LAG3: variants seen among roughly 807,000 people sequenced by gnomAD.
LAG3 encodes the protein lymphocyte activating 3.
In LAG3, 29 loss-of-function variants were observed where a neutral mutation model predicts 49.0. The observed-to-expected ratio is 0.59, with a 90% confidence interval of 0.44 to 0.81. The LOEUF is 0.81. Among genes scored for constraint, LAG3 ranks in the 30% least tolerant of loss-of-function variants. LAG3 has a pLI of 0.00. For synonymous variants in LAG3, 320 were observed against 297.3 expected (o/e 1.08, Z -0.79); for missense variants, 693 against 695.2 (o/e 1.00, Z 0.04).
chr12:6,773,891 T>A lies in LAG3; in HGVS notation c.401T>A (p.Leu134Gln). The A allele has an allele frequency of 1.4e-6, 2 of 1,395,126 alleles. No homozygotes were observed. Among genetic ancestry groups the A allele is most frequent in the Non-Finnish European group, 9.2e-7 (1 of 1,082,534 alleles). The allele number at this position is 1,395,126 out of a possible 1,614,324, so 86.4% of individuals were successfully genotyped here. Reference sequence around the variant, plus strand: ...GGCCGGCAGCGCGGGGACTTCTCGCTATGGCTGCGCCCAGCCCGGCGCGCG... The same window carrying A: ...GGCCGGCAGCGCGGGGACTTCTCGCAATGGCTGCGCCCAGCCCGGCGCGCG... ...ERGRQRGDFS[L>Q]WLRPARRADA... is the part of the protein sequence containing the mutation. The change falls in exon 3 of 8, where the codon CTA (leucine) becomes CAA (glutamine). Residue 134 changes from leucine to glutamine, a missense_variant. Transcript: ENST00000203629. The surrounding 1 kb of genome is among the most constrained non-coding windows in gnomAD (Gnocchi z 5.5).
chr12:6,777,515 C>G lies in LAG3; in HGVS notation c.1300+9C>G, dbSNP rs767666369. ...AGAGCTGTCTAGCCCAGGTCCGAGGCCCCAGAATGCCAGGACCCAAACGCC... is the reference window on the plus strand; with the variant it reads ...AGAGCTGTCTAGCCCAGGTCCGAGGGCCCAGAATGCCAGGACCCAAACGCC... On this transcript the variant is annotated intron_variant, in intron 6 of 7. Coordinates refer to ENST00000203629, the MANE Select transcript of LAG3 (RefSeq NM_002286.6). The G allele has an allele frequency of 4.3e-6, 7 of 1,611,154 alleles. No homozygotes were observed. Among genetic ancestry groups the G allele is most frequent in the Non-Finnish European group, 3.4e-6 (4 of 1,178,588 alleles).
At chr12:6,777,993 C>T in intron 7 of LAG3, 72 bp downstream of exon 7, 2 of 1,603,226 alleles carry the variant, frequency 1.2e-6, no homozygotes, top group Non-Finnish European at 1.7e-6. Context: ...CTGATGGCAC[C>T]CCTTCCTCAG....
chr12:6,774,826 G>A lies in LAG3; in HGVS notation c.743G>A (p.Gly248Asp). The change falls in exon 4 of 8, where the codon GGC (glycine) becomes GAC (aspartate). Residue 248 changes from glycine to aspartate, a missense_variant. Coordinates refer to ENST00000203629, the MANE Select transcript of LAG3 (RefSeq NM_002286.6). ...PWGCILTYRD[G>D]FNVSIMYNLT... ...GGCTGCATCCTCACCTACAGAGATG[G>A]CTTCAACGTCTCCATCATGTATAAC... 1 of 1,614,092 alleles carries A rather than the reference G, an allele frequency of 6.2e-7. No homozygotes were observed.
At position 6,778,384 on chromosome 12, in the gene LAG3, G is replaced by T; in HGVS notation, c.1572G>T (p.Gln524His). 3 of 1,610,332 alleles carry T rather than the reference G, an allele frequency of 1.9e-6. No homozygotes were observed. The highest frequency in any genetic ancestry group is 2.5e-6 in the Non-Finnish European group (3 of 1,179,920). The change falls in exon 8 of 8, where the codon CAG becomes CAT. Residue 524 changes from glutamine to histidine, a missense_variant. By Grantham distance (24) the Gln-to-His change is conservative. Coordinates refer to ENST00000203629, the MANE Select transcript of LAG3 (RefSeq NM_002286.6). ...CCGAGCCCGAGCCCGAGCCGGAGCA[G>T]CTCTGACCTGGAGCTGAGGCAGCCA... ...PEPEPEPEPE[Q>H]L
chr12:6,774,507 T>A lies in LAG3; in HGVS notation c.512-88T>A, dbSNP rs547530609. 7.3e-5 allele frequency: 107 copies of A among 1,462,616 alleles called. 4 individuals carry two copies. In the South Asian group the frequency reaches 1.1e-3, roughly 15 times the overall value. 90.6% of individuals were successfully genotyped at this position (1,462,616 alleles called of 1,614,324 possible). ...GAAGACAAGTCTAAAGCCAGGTGCC[T>A]GTTTCCAGGAGCTTCCGGCTTGGCA... is the stretch of plus-strand genomic sequence containing the variant. On this transcript the variant is annotated intron_variant, in intron 3 of 7. Transcript: ENST00000203629.
intron 3 of LAG3, 67 bp from the exon 4 acceptor site, chr12:6,774,528 T>G: frequency 6.5e-7 from 1 of 1,534,950 alleles, no homozygotes; most frequent in South Asian, 1.2e-5. Context: ...GCTTCCGGCT[T>G]GGCAGCCCTG....
chr12:6,774,242 A>G (rs1262505735), intron 3 of LAG3, among the ~76,000 whole-genome samples: 1 of 151,988 alleles, frequency 6.6e-6, no homozygotes, highest in Non-Finnish European at 1.5e-5. Flanking sequence ...CCCACGCGGG[A>G]GTGCCCAGAG....
chr12:6,775,358 G>C lies in LAG3; in HGVS notation c.867G>C (p.Gly289=), dbSNP rs765485313. The change falls in exon 5 of 8, where the codon GGG becomes GGC. Residue 289 remains glycine, a synonymous_variant. Coordinates refer to ENST00000203629, the MANE Select transcript of LAG3 (RefSeq NM_002286.6). ...GLPCRLPAGV[G]TRSFLTAKWT... ...CCTGCCGCCTGCCTGCTGGTGTGGGGACCCGGTCTTTCCTCACTGCCAAGT... is the reference window on the plus strand; with the variant it reads ...CCTGCCGCCTGCCTGCTGGTGTGGGCACCCGGTCTTTCCTCACTGCCAAGT... The C allele has an allele frequency of 6.2e-7, 1 of 1,614,186 alleles. No individual in the cohort carries two copies. Among genetic ancestry groups the C allele is most frequent in the East Asian group, 2.2e-5 (1 of 44,866 alleles).
In LAG3 at chr12:6,777,315, A is replaced by G. The variant is rs1941917831; in HGVS notation, c.1109A>G (p.Glu370Gly). Residue 370 changes from glutamate (E) to glycine (G), a missense_variant, in exon 6 of 8, where the codon GAG becomes GGG. Glu to Gly is a moderately conservative substitution (Grantham distance 98). Transcript: ENST00000203629. ...SPGSLGKLLC[E>G]VTPVSGQERF... ...GGATCCCTGGGGAAGCTGCTTTGTG[A>G]GGTGACTCCAGTATCTGGACAAGAA... 3.0e-5 allele frequency: 48 copies of G among 1,614,154 alleles called. No individual in the cohort carries two copies. The highest frequency in any genetic ancestry group is 4.0e-5 in the Non-Finnish European group (47 of 1,180,006).
rs143109881 is a variant in LAG3 at position 6,773,577 on chromosome 12, A to G, written c.207-120A>G. 7.9e-3 allele frequency: 9,732 copies of G among 1,231,660 alleles called. 62 individuals are homozygous for G. Among genetic ancestry groups the G allele is most frequent in the Middle Eastern group, 0.019 (67 of 3,472 alleles). The allele number at this position is 1,231,660 out of a possible 1,614,324, so 76.3% of individuals were successfully genotyped here. ...CAACAGAGGGGTCGGGCGTGAGGGG[A>G]CGGTTGGTGGTCAAGAGAACTCTTG... On this transcript the variant is annotated intron_variant, in intron 2 of 7. Coordinates refer to ENST00000203629, the MANE Select transcript of LAG3 (RefSeq NM_002286.6). This position sits in a 1 kb window ranked among gnomAD's most constrained non-coding sequence, Gnocchi z 5.5.
At chr12:6,776,315 C>A (rs1383949879) in intron 5 of LAG3, among the ~76,000 whole-genome samples, 1 of 152,166 alleles carries the variant, frequency 6.6e-6, no homozygotes, top group African/African-American at 2.4e-5. Context: ...GCTGACTCAG[C>A]CTGTCAGTAA....
Position 6,773,863 on chromosome 12 carries a change from C to T in LAG3, c.373C>T (p.Arg125Cys), listed in dbSNP as rs771608222. ...PLQPRVQLDE[R>C]GRQRGDFSLW... ...GCAGCCCCGCGTCCAGCTGGATGAGCGCGGCCGGCAGCGCGGGGACTTCTC... is the reference window on the plus strand; with the variant it reads ...GCAGCCCCGCGTCCAGCTGGATGAGTGCGGCCGGCAGCGCGGGGACTTCTC... Residue 125 changes from arginine (R) to cysteine (C), a missense_variant, in exon 3 of 8, where the codon CGC (arginine) becomes TGC (cysteine). Physicochemically the swap from Arg to Cys is radical, Grantham distance 180. Transcript: ENST00000203629. This position sits in a 1 kb window ranked among gnomAD's most constrained non-coding sequence, Gnocchi z 5.5. 5.7e-6 allele frequency: 8 copies of T among 1,403,566 alleles called. No individual in the cohort carries two copies. The highest frequency in any genetic ancestry group is 4.6e-5 in the South Asian group (3 of 65,598). The allele number at this position is 1,403,566 out of a possible 1,614,324, so 86.9% of individuals were successfully genotyped here. A position where few individuals can be genotyped will look rare whatever the true frequency, so the allele number is the denominator to read the frequency against.
rs756948190 is a variant in LAG3, at chr12:6,775,395, G to C, written c.904G>C (p.Gly302Arg). 5.0e-6 allele frequency: 8 copies of C among 1,614,112 alleles called. No individual in the cohort carries two copies. The highest frequency in any genetic ancestry group is 6.8e-6 in the Non-Finnish European group (8 of 1,180,042). ...CCTCACTGCCAAGTGGACTCCTCCTGGGGGAGGCCCTGACCTCCTGGTGAC... is the reference window on the plus strand; with the variant it reads ...CCTCACTGCCAAGTGGACTCCTCCTCGGGGAGGCCCTGACCTCCTGGTGAC... ...SFLTAKWTPPGGGPDLLVTGD... is the reference protein window; with the variant it reads ...SFLTAKWTPPRGGPDLLVTGD... Residue 302 changes from glycine to arginine, a missense_variant, in exon 5 of 8, where the codon GGG becomes CGG. Transcript: ENST00000203629.
rs555823035 is a variant in LAG3 at position 6,772,733 on chromosome 12, C to T, written c.-120C>T. 2.6e-6 allele frequency: 2 copies of T among 777,482 alleles called. No individual in the cohort carries two copies. The highest frequency in any genetic ancestry group is 2.8e-5 in the East Asian group (1 of 35,854). The allele number at this position is 777,482 out of a possible 1,614,324, so 48.2% of individuals were successfully genotyped here. ...TCTCCTGGTCTCCCTTCTTCTAGAA[C>T]CCCTTCCTCCACCTCCCTCTCTGCA... On this transcript the variant is annotated 5_prime_UTR_variant, in exon 1 of 8. Transcript: ENST00000203629.
chr12:6,773,311 G>A lies in LAG3; in HGVS notation c.178G>A (p.Gly60Arg), dbSNP rs762413506. 1.2e-6 allele frequency: 2 copies of A among 1,613,686 alleles called. No individual in the cohort carries two copies. Among genetic ancestry groups the A allele is most frequent in the Non-Finnish European group, 1.7e-6 (2 of 1,179,904 alleles). The change falls in exon 2 of 8, where the codon GGG becomes AGG. Residue 60 changes from glycine (G) to arginine (R), a missense_variant. Transcript: ENST00000203629. The surrounding 1 kb of genome is among the most constrained non-coding windows in gnomAD (Gnocchi z 5.5). ...LQDLSLLRRA[G>R]VTWQHQPDSG... is the part of the protein sequence containing the mutation. ...GGATCTCAGCCTTCTGCGAAGAGCA[G>A]GGGTCACTTGGCAGCATCAGCCAGA...
In LAG3 at chr12:6,773,800, G is replaced by C. The variant is rs758045782; in HGVS notation, c.310G>C (p.Val104Leu). 1 of 1,396,366 alleles carries C rather than the reference G, an allele frequency of 7.2e-7. No individual in the cohort carries two copies. The highest frequency in any genetic ancestry group is 9.3e-7 in the Non-Finnish European group (1 of 1,080,860). 86.5% of individuals were successfully genotyped at this position (1,396,366 alleles called of 1,614,324 possible). A position where few individuals can be genotyped will look rare whatever the true frequency, so the allele number is the denominator to read the frequency against. ...PRPRRYTVLSVGPGGLRSGRL... is the reference protein window; with the variant it reads ...PRPRRYTVLSLGPGGLRSGRL... ...GCCCCGCCGCTACACGGTGCTGAGC[G>C]TGGGTCCCGGAGGCCTGCGCAGCGG... Residue 104 changes from valine to leucine, a missense_variant, in exon 3 of 8, where the codon GTG (valine) becomes CTG (leucine). By Grantham distance (32) the Val-to-Leu change is conservative. Coordinates refer to ENST00000203629, the MANE Select transcript of LAG3 (RefSeq NM_002286.6). This position sits in a 1 kb window ranked among gnomAD's most constrained non-coding sequence, Gnocchi z 5.5.
At position 6,773,233 on chromosome 12, in the gene LAG3, G is replaced by A. The variant is rs766752202; in HGVS notation, c.100G>A (p.Ala34Thr). 6.2e-7 allele frequency: 1 copy of A among 1,612,684 alleles called. No individual in the cohort carries two copies. Among genetic ancestry groups the A allele is most frequent in the Non-Finnish European group, 8.5e-7 (1 of 1,179,446 alleles). The change falls in exon 2 of 8, where the codon GCC (alanine) becomes ACC (threonine). Residue 34 changes from alanine (A) to threonine (T), a missense_variant. Transcript: ENST00000203629. The surrounding 1 kb of genome is among the most constrained non-coding windows in gnomAD (Gnocchi z 5.5). The stretch of plus-strand genomic sequence containing the variant: ...AGGGGCTGAGGTCCCGGTGGTGTGG[G>A]CCCAGGAGGGGGCTCCTGCCCAGCT... ...QPGAEVPVVW[A>T]QEGAPAQLPC...
chr12:6,773,996 C>T lies in LAG3; in HGVS notation c.506C>T (p.Ala169Val), dbSNP rs1941874820. The T allele has an allele frequency of 7.0e-7, 1 of 1,427,778 alleles. No homozygotes were observed. The highest frequency in any genetic ancestry group is 9.1e-7 in the Non-Finnish European group (1 of 1,100,128). 88.4% of individuals were successfully genotyped at this position (1,427,778 alleles called of 1,614,324 possible). A position where few individuals can be genotyped will look rare whatever the true frequency, so the allele number is the denominator to read the frequency against. The part of the protein sequence containing the change: ...SCRLRLRLGQ[A>V]SMTASPPGSL... Reference sequence around the variant, plus strand: ...CGCCTCCGTCTGCGCCTGGGCCAGGCCTCGAGTATGTGGGGCGGGACGATG... The same window carrying T: ...CGCCTCCGTCTGCGCCTGGGCCAGGTCTCGAGTATGTGGGGCGGGACGATG... Residue 169 changes from alanine to valine, a missense_variant, in exon 3 of 8, where the codon GCC (alanine) becomes GTC (valine). Ala to Val is a moderately conservative substitution (Grantham distance 64). Coordinates refer to ENST00000203629, the MANE Select transcript of LAG3 (RefSeq NM_002286.6). The surrounding 1 kb of genome is among the most constrained non-coding windows in gnomAD (Gnocchi z 5.5).
intron 3 of LAG3, among the ~76,000 whole-genome samples, chr12:6,774,240 G>A (rs1941877992): frequency 6.6e-6 from 1 of 152,256 alleles, no homozygotes; most frequent in Non-Finnish European, 1.5e-5. Context: ...CACCCACGCG[G>A]GAGTGCCCAG....
Sources: allele counts gnomAD v4.1 joint callset (sites outside exome capture counted in the v4.1 genomes callset), GRCh38; gene constraint gnomAD v4.1.1; non-coding constraint Gnocchi (gnomAD v3.1); transcripts MANE v1.5; gene names NCBI Gene and HGNC (gene_info 2026-07-23, HGNC 2026-07-21).